UBR3: variants seen among roughly 807,000 people sequenced by gnomAD.
UBR3 encodes the protein ubiquitin protein ligase E3 component n-recognin 3.
Under a neutral mutation model 243.2 loss-of-function variants are expected in UBR3, and 85 were observed. That is an observed-to-expected ratio of 0.35 (90% CI 0.29 to 0.42). The LOEUF (loss-of-function observed/expected upper bound fraction) is 0.42, where lower values mean the gene tolerates loss of function less well. Among genes scored for constraint, UBR3 ranks in the 10% least tolerant of loss-of-function variants. The pLI is 1.00. For missense variants in UBR3, 1,686 were observed against 2,300.8 expected, an observed-to-expected ratio of 0.73 and a Z score of 5.47; for synonymous variants, 748 against 799.8, an observed-to-expected ratio of 0.94 and a Z score of 1.09.
At chr2:170,046,811 T>C (rs796896261) in intron 32 of UBR3, among the ~76,000 whole-genome samples, 5 of 148,074 alleles carry the variant, frequency 3.4e-5, no homozygotes, top group Non-Finnish European at 7.5e-5. Context: ...GAAAAATGAC[T>C]TTTTTTTTTA....
In UBR3 at chr2:170,070,275, G is replaced by A. The variant is rs6708402; in HGVS notation, c.5020-3153G>A. 3.9e-3 allele frequency among the ~76,000 whole-genome samples: 587 copies of A among 152,210 alleles called. 1 individual carries two copies. Among genetic ancestry groups the A allele is most frequent in the African/African-American group, 0.014 (570 of 41,550 alleles). On this transcript the variant is annotated intron_variant, in intron 35 of 38. Coordinates refer to ENST00000272793, the MANE Select transcript of UBR3 (RefSeq NM_172070.4). ...CCATATGATCATTTCATTTGTCAAA[G>A]AAAAGCATTTAACAAAATCTAATGT...
At chr2:169,981,412 C>T (rs933945249) in intron 24 of UBR3, among the ~76,000 whole-genome samples, 5 of 152,012 alleles carry the variant, frequency 3.3e-5, no homozygotes, top group East Asian at 1.9e-4. Context: ...TCTCTAAAAT[C>T]GATAACCTTA....
chr2:170,079,897 C>T lies in UBR3; in HGVS notation c.5283C>T (p.Tyr1761=). 1 of 1,613,994 alleles carries T rather than the reference C, an allele frequency of 6.2e-7. No individual in the cohort carries two copies. Among genetic ancestry groups the T allele is most frequent in the Non-Finnish European group, 8.5e-7 (1 of 1,179,952 alleles). ...ATTATAACACCATTTTTCAGTACTA[C>T]CACAGAAAAACCTGTAGTGTCTGCA... ...PENYNTIFQY[Y]HRKTCSVCTK... The change falls in exon 37 of 39, where the codon TAC becomes TAT. Residue 1761 remains tyrosine, a synonymous_variant. Coordinates refer to ENST00000272793, the MANE Select transcript of UBR3 (RefSeq NM_172070.4).
At chr2:169,911,276 G>A (rs562057589) in intron 10 of UBR3, among the ~76,000 whole-genome samples, 1 of 152,138 alleles carries the variant, frequency 6.6e-6, no homozygotes, top group Non-Finnish European at 1.5e-5. Flanking sequence ...TCTTCATCTG[G>A]TGGCAACTAT....
intron 1 of UBR3, among the ~76,000 whole-genome samples, chr2:169,841,714 G>A (rs1243766999): frequency 1.3e-5 from 2 of 152,252 alleles, no homozygotes; most frequent in Non-Finnish European, 2.9e-5. Context: ...TCCCCCAGCA[G>A]TGCCGGCCCA....
intron 31 of UBR3, among the ~76,000 whole-genome samples, chr2:170,035,473 A>T (rs2090799966): frequency 6.6e-6 from 1 of 151,892 alleles, no homozygotes; most frequent in South Asian, 2.1e-4. Context: ...GTTGACTATA[A>T]TTATGTGAAT....
At chr2:169,943,729 A>G (rs2086680997) in intron 20 of UBR3, among the ~76,000 whole-genome samples, 1 of 152,206 alleles carries the variant, frequency 6.6e-6, no homozygotes, top group African/African-American at 2.4e-5. Flanking sequence ...CCTAATTAGA[A>G]TTTGAAAAAT....
At chr2:170,065,090 G>A (rs985136334) in intron 35 of UBR3, among the ~76,000 whole-genome samples, 10 of 151,960 alleles carry the variant, frequency 6.6e-5, no homozygotes, top group Admixed American at 2.0e-4. Context: ...CGATCTGCCC[G>A]CCTTGGCCTC....
intron 25 of UBR3, among the ~76,000 whole-genome samples, chr2:169,987,060 G>T (rs2089040030): frequency 6.6e-6 from 1 of 152,024 alleles, no homozygotes; most frequent in Admixed American, 6.6e-5. Context: ...ACCAATGCTA[G>T]GTGGCCAATA....
chr2:169,984,762 G>C (rs1412195249), intron 24 of UBR3, among the ~76,000 whole-genome samples: 1 of 152,010 alleles, frequency 6.6e-6, no homozygotes, highest in African/African-American at 2.4e-5. Flanking sequence ...AATAAACCAT[G>C]ATCCTAGTTT....
At chr2:170,024,231 G>A (rs1014032002) in intron 30 of UBR3, among the ~76,000 whole-genome samples, 2 of 151,708 alleles carry the variant, frequency 1.3e-5, no homozygotes, top group African/African-American at 2.4e-5. Flanking sequence ...GTGGGAGCCT[G>A]TAATCCCAGC....
At chr2:169,955,790 T>C (rs1470015738) in intron 23 of UBR3, among the ~76,000 whole-genome samples, 1 of 2,332 alleles carries the variant, frequency 4.3e-4, no homozygotes, top group African/African-American at 6.2e-4. Context: ...TGAGACTCCA[T>C]CTCAAAAAAA....
At chr2:170,047,197 G>T (rs1235398662) in intron 32 of UBR3, among the ~76,000 whole-genome samples, 1 of 151,542 alleles carries the variant, frequency 6.6e-6, no homozygotes, top group Non-Finnish European at 1.5e-5. Context: ...CGGTGTCGGG[G>T]GGGGGGTCTC....
chr2:169,844,730 C>T (rs1407585224), intron 1 of UBR3, among the ~76,000 whole-genome samples: 1 of 152,030 alleles, frequency 6.6e-6, no homozygotes, highest in African/African-American at 2.4e-5. Context: ...TTCCTGACCT[C>T]AGGTGATCTG....
chr2:169,918,794 A>C (rs1380350734), intron 11 of UBR3, among the ~76,000 whole-genome samples: 1 of 152,200 alleles, frequency 6.6e-6, no homozygotes, highest in Non-Finnish European at 1.5e-5. Context: ...TCCTCTGGTA[A>C]GAGGAAAGTA....
At chr2:169,984,584 T>C (rs2088909315) in intron 24 of UBR3, among the ~76,000 whole-genome samples, 1 of 152,190 alleles carries the variant, frequency 6.6e-6, no homozygotes, top group Admixed American at 6.5e-5. Context: ...AGTGAGAAAC[T>C]ATAATCACAT....
chr2:169,831,129 T>TATATA (rs2081925483), intron 1 of UBR3, among the ~76,000 whole-genome samples: 73 of 23,740 alleles, frequency 3.1e-3, no homozygotes, highest in East Asian at 6.6e-3. Flanking sequence ...ATATATATAT[T>TATATA]TTTTTTTTTT....
chr2:169,840,375 C>CGGTATCTGACCGAGATGTCA (rs1559004645), intron 1 of UBR3, among the ~76,000 whole-genome samples: 1 of 152,182 alleles, frequency 6.6e-6, no homozygotes, highest in Non-Finnish European at 1.5e-5. Context: ...ACTAAAGTGG[C>CGGTATCTGACCGAGATGTCA]GGTATCTGAC....
At chr2:169,938,397 A>T (rs1034267883) in intron 19 of UBR3, among the ~76,000 whole-genome samples, 1 of 150,744 alleles carries the variant, frequency 6.6e-6, no homozygotes, top group Non-Finnish European at 1.5e-5. Context: ...AGTAGCTGGG[A>T]CTACAGACAT....
Sources: allele counts gnomAD v4.1 joint callset (sites outside exome capture counted in the v4.1 genomes callset), GRCh38; gene constraint gnomAD v4.1.1; transcripts MANE v1.5; gene names NCBI Gene and HGNC (gene_info 2026-07-23, HGNC 2026-07-21).